CCDC149: variants seen among roughly 807,000 people sequenced by gnomAD.
CCDC149 encodes coiled-coil domain-containing protein 149.
In CCDC149, 45 loss-of-function variants were observed where a neutral mutation model predicts 59.9. The observed-to-expected ratio is 0.75, with a 90% CI of 0.59 to 0.96. CCDC149 has a LOEUF of 0.96. CCDC149 is among the 40% of genes least tolerant of loss of function. CCDC149 has a pLI of 0.00. For synonymous variants in CCDC149, 245 were observed against 260.6 expected, an observed-to-expected ratio of 0.94 and a Z score of 0.58; for missense variants, 584 against 664.7, an observed-to-expected ratio of 0.88 and a Z score of 1.33.
chr4:24,911,175 C>T (rs1192289980), intron 1 of CCDC149, among the ~76,000 whole-genome samples: 4 of 152,188 alleles, frequency 2.6e-5, no homozygotes, highest in Admixed American at 2.6e-4. Flanking sequence ...AGCACACGGC[C>T]TAGTGAGGAA....
intron 1 of CCDC149, among the ~76,000 whole-genome samples, chr4:24,903,864 G>A (rs1194692113): frequency 8.0e-5 from 12 of 150,910 alleles, no homozygotes; most frequent in East Asian, 2.0e-4. Context: ...GCAGTGGCAC[G>A]GTCTGGGCTC....
chr4:24,895,998 T>C (rs1421032108), intron 1 of CCDC149, among the ~76,000 whole-genome samples: 1 of 152,244 alleles, frequency 6.6e-6, no homozygotes, highest in African/African-American at 2.4e-5. Context: ...TCTTGCAGCA[T>C]GCAAGGGCTG....
chr4:24,822,285 T>C (rs1715456201), intron 10 of CCDC149, among the ~76,000 whole-genome samples: 1 of 152,110 alleles, frequency 6.6e-6, no homozygotes, highest in South Asian at 2.1e-4. Context: ...ACCCTGAATA[T>C]TTACTGCATT....
chr4:24,877,022 TAAAATTTTATTAAGATATTTAATA>T (rs1719484706), intron 1 of CCDC149, among the ~76,000 whole-genome samples: 1 of 152,198 alleles, frequency 6.6e-6, no homozygotes, highest in African/African-American at 2.4e-5. Flanking sequence ...TAAGATTATG[TAAAATTTTATTAAGATATTTAATA>T]AAAATTTTAT....
intron 4 of CCDC149, among the ~76,000 whole-genome samples, chr4:24,842,919 C>T (rs1312261350): frequency 1.3e-5 from 2 of 152,188 alleles, no homozygotes; most frequent in East Asian, 1.9e-4. Flanking sequence ...AGCTATTTTC[C>T]GGGTGTCATC....
chr4:24,813,503 T>TATATATAC (rs1714786458), intron 12 of CCDC149, among the ~76,000 whole-genome samples: 2 of 135,692 alleles, frequency 1.5e-5, no homozygotes, highest in African/African-American at 5.8e-5. Flanking sequence ...TATATATATA[T>TATATATAC]ATATATATAT....
intron 1 of CCDC149, among the ~76,000 whole-genome samples, chr4:24,977,008 T>C (rs1560276035): frequency 6.6e-6 from 1 of 152,176 alleles, no homozygotes; most frequent in Admixed American, 6.5e-5. Context: ...CATTTCTAAT[T>C]ACAAAATCCA....
At position 24,821,071 on chromosome 4, in the gene CCDC149, A is replaced by C; in HGVS notation, c.1059T>G (p.Val353=). The C allele has an allele frequency of 4.9e-6, 6 of 1,231,350 alleles. No individual in the cohort carries two copies. The highest frequency in any genetic ancestry group is 6.1e-6 in the Non-Finnish European group (6 of 987,652). 76.3% of individuals were successfully genotyped at this position (1,231,350 alleles called of 1,614,324 possible). A position where few individuals can be genotyped will look rare whatever the true frequency, so the allele number is the denominator to read the frequency against. The change falls in exon 11 of 13, where the codon GTT becomes GTG. Residue 353 remains valine, a synonymous_variant. Coordinates refer to ENST00000635206, the MANE Select transcript of CCDC149 (RefSeq NM_001330643.2). ...AGAACATACTCCCAAATCCTACTGAAACATTGTAGCTCAGGCCTTCAGGCA... is the reference window on the plus strand; with the variant it reads ...AGAACATACTCCCAAATCCTACTGACACATTGTAGCTCAGGCCTTCAGGCA...
intron 3 of CCDC149, among the ~76,000 whole-genome samples, chr4:24,872,672 G>A (rs1275799250): frequency 6.7e-6 from 1 of 148,938 alleles, no homozygotes; most frequent in African/African-American, 2.5e-5. Context: ...TGAACCCACT[G>A]AACAGTATGC....
downstream of CCDC149, among the ~76,000 whole-genome samples, chr4:24,804,152 G>C (rs1483562322): frequency 1.3e-5 from 2 of 152,128 alleles, no homozygotes; most frequent in Admixed American, 6.5e-5. Context: ...TTAAATGGAG[G>C]CTTCAGAATG....
upstream of CCDC149, among the ~76,000 whole-genome samples, chr4:24,913,128 C>T (rs1722000333): frequency 6.6e-6 from 1 of 150,922 alleles, no homozygotes; most frequent in Non-Finnish European, 1.5e-5. Context: ...GCCCGCCCCG[C>T]GCCCTCAGCC....
chr4:24,927,938 TAG>T (rs1722473190), intron 1 of CCDC149, among the ~76,000 whole-genome samples: 2 of 151,894 alleles, frequency 1.3e-5, no homozygotes, highest in African/African-American at 4.8e-5. Flanking sequence ...GCCCCATGAA[TAG>T]AGTCTAGAAG....
rs1302564892 is a variant in CCDC149, at chr4:24,822,521, C to T, written c.1018G>A (p.Val340Ile). 6.5e-7 allele frequency: 1 copy of T among 1,535,096 alleles called. No individual in the cohort carries two copies. ...CCTGGAAGACTCCACAAACCAGAAA[C>T]TTCCAGAGTTCTTAATTTTTTTTCC... Residue 340 changes from valine to isoleucine, a missense_variant, in exon 10 of 13, where the codon GTT becomes ATT. Transcript: ENST00000635206.
intron 1 of CCDC149, among the ~76,000 whole-genome samples, chr4:24,938,781 G>A (rs186948698): frequency 0.021 from 3,255 of 152,242 alleles, 128 homozygotes; most frequent in African/African-American, 0.074. Context: ...CTACGCCCAC[G>A]GAGCCTCACT....
intron 1 of CCDC149, among the ~76,000 whole-genome samples, chr4:24,912,335 G>C (rs533525334): frequency 6.6e-6 from 1 of 152,128 alleles, no homozygotes; most frequent in Non-Finnish European, 1.5e-5. Context: ...ATGAGTGAAC[G>C]GCTGCAGCGG....
chr4:24,816,855 C>T (rs1468922665), intron 12 of CCDC149, among the ~76,000 whole-genome samples: 4 of 152,036 alleles, frequency 2.6e-5, no homozygotes, highest in Non-Finnish European at 4.4e-5. Flanking sequence ...AAAACGTGTC[C>T]CCCGCTCCCC....
rs1208127194 is a variant in CCDC149, at chr4:24,962,334, G to C, written c.-65+17735C>G. ...CAACAGGTGCTGGAGAGGATGTGGA[G>C]AAATAGGAACACTTTTACACTGTTG... On this transcript the variant is annotated intron_variant, in intron 1 of 12. Transcript: ENST00000389609. 2.6e-5 allele frequency among the ~76,000 whole-genome samples: 4 copies of C among 152,112 alleles called. No homozygotes were observed. The East Asian group carries it at 7.7e-4, about 29-fold the overall frequency.
intron 1 of CCDC149, among the ~76,000 whole-genome samples, chr4:24,886,239 C>T (rs1322204011): frequency 1.3e-5 from 2 of 152,178 alleles, no homozygotes; most frequent in African/African-American, 4.8e-5. Context: ...CAGAGCTAGA[C>T]TCAGACACAG....
At chr4:24,951,165 G>A (rs1242296291) in intron 1 of CCDC149, among the ~76,000 whole-genome samples, 1 of 152,248 alleles carries the variant, frequency 6.6e-6, no homozygotes, top group Non-Finnish European at 1.5e-5. Context: ...CAGGCAGCAA[G>A]TGACAGATCC....
Sources: allele counts gnomAD v4.1 joint callset (sites outside exome capture counted in the v4.1 genomes callset), GRCh38; gene constraint gnomAD v4.1.1; transcripts MANE v1.5; gene names NCBI Gene and HGNC (gene_info 2026-07-23, HGNC 2026-07-21).